TRAK1: variants seen among roughly 807,000 people sequenced by gnomAD.
TRAK1 encodes the protein trafficking kinesin protein 1.
TRAK1 carries 33 observed loss-of-function variants against 92.1 expected under a neutral mutation model. The ratio of observed to expected loss-of-function variants is 0.36; its 90% CI spans 0.27 to 0.48. The LOEUF is 0.48. Among genes scored for constraint, TRAK1 ranks in the 20% least tolerant of loss-of-function variants. TRAK1 has a pLI of 0.99. For missense variants in TRAK1, 1,123 were observed against 1,257.9 expected (o/e 0.89, Z 1.62); for synonymous variants, 521 against 517.3 (o/e 1.01, Z -0.10).
Position 42,223,408 on chromosome 3 carries a change from G to C in TRAK1, c.2533G>C (p.Asp845His), listed in dbSNP as rs201083471. Residue 845 changes from aspartate to histidine, a missense_variant, in exon 16 of 16, where the codon GAC (aspartate) becomes CAC (histidine). Transcript: ENST00000327628. The surrounding 1 kb of genome is among the most constrained non-coding windows in gnomAD (Gnocchi z 6.1). ...GTCCGTCTCCAACCTCAACCTCGTGGACAAAGTCAGGAGGTTTGGGGTGGC... is the reference window on the plus strand; with the variant it reads ...GTCCGTCTCCAACCTCAACCTCGTGCACAAAGTCAGGAGGTTTGGGGTGGC... Reference protein sequence around the residue: ...DVSVSNLNLVDKVRRFGVAKV... With the variant: ...DVSVSNLNLVHKVRRFGVAKV... The C allele has an allele frequency of 6.2e-7, 1 of 1,614,160 alleles. No homozygotes were observed. The highest frequency in any genetic ancestry group is 8.5e-7 in the Non-Finnish European group (1 of 1,180,018).
At position 42,091,461 on chromosome 3, in the gene TRAK1, T is replaced by C. The variant is rs1705046355; in HGVS notation, c.-9T>C. 1 of 1,613,350 alleles carries C rather than the reference T, an allele frequency of 6.2e-7. No individual in the cohort carries two copies. The highest frequency in any genetic ancestry group is 8.5e-7 in the Non-Finnish European group (1 of 1,179,690). On this transcript the variant is annotated 5_prime_UTR_variant, in exon 1 of 16. It removes an upstream start codon present in the reference 5' UTR. Transcript: ENST00000327628. ...TTCTCTGAAGTGCCTTTGGAGTTTA[T>C]GTCTGCACATGGCATTGGTTTTTCA...
chr3:42,141,374 G>A (rs944681195), intron 2 of TRAK1, among the ~76,000 whole-genome samples: 1 of 152,130 alleles, frequency 6.6e-6, no homozygotes, highest in Non-Finnish European at 1.5e-5. Flanking sequence ...ATAAGCATCA[G>A]TACTGTGGGT....
intron 1 of TRAK1, among the ~76,000 whole-genome samples, chr3:42,070,272 G>GAATAATAATTATAATTATAATAATTATA (rs1703876598): frequency 6.8e-6 from 1 of 146,706 alleles, no homozygotes; most frequent in African/African-American, 2.5e-5. Flanking sequence ...TAATAATTAT[G>GAATAATAATTATAATTATAATAATTATA]AATAATAATT....
chr3:42,102,151 A>G (rs1356651074), intron 1 of TRAK1, among the ~76,000 whole-genome samples: 1 of 152,034 alleles, frequency 6.6e-6, no homozygotes, highest in Non-Finnish European at 1.5e-5. Context: ...ATGCCTGGCT[A>G]ATTTTTGTAT....
intron 1 of TRAK1, among the ~76,000 whole-genome samples, chr3:42,111,469 T>C (rs773136723): frequency 5.3e-5 from 8 of 151,814 alleles, no homozygotes; most frequent in Non-Finnish European, 1.0e-4. Flanking sequence ...GATCTTGGCT[T>C]ACTGCAAGCT....
chr3:42,053,372 GGGT>G (rs1265480377), intron 1 of TRAK1, among the ~76,000 whole-genome samples: 16 of 128,204 alleles, frequency 1.2e-4, no homozygotes, highest in African/African-American at 5.3e-4. Flanking sequence ...ATTCAGAGTC[GGGT>G]GGGGGGGGGG....
intron 2 of TRAK1, among the ~76,000 whole-genome samples, chr3:42,134,804 C>T (rs564272566): frequency 1.4e-4 from 21 of 151,850 alleles, no homozygotes; most frequent in Non-Finnish European, 2.5e-4. Flanking sequence ...TGGTCTCGAT[C>T]TCCTGACCTC....
At chr3:42,037,618 A>G (rs762223048) in intron 1 of TRAK1, among the ~76,000 whole-genome samples, 6 of 152,234 alleles carry the variant, frequency 3.9e-5, no homozygotes, top group African/African-American at 7.2e-5. Flanking sequence ...CTGTTCTCAG[A>G]TGACTAACAT....
rs533308450 is a variant in TRAK1 at position 42,198,653 on chromosome 3, C to T, written c.1114-524C>T. Reference sequence around the variant, plus strand: ...AGGTGGGAAAGGCTTCCCCAGGAGCCGAAGTTGGAGGCCCTTGGTCTATTC... The same window carrying T: ...AGGTGGGAAAGGCTTCCCCAGGAGCTGAAGTTGGAGGCCCTTGGTCTATTC... On this transcript the variant is annotated intron_variant, in intron 10 of 15. Transcript: ENST00000327628. Among the ~76,000 whole-genome samples, 20 of 152,006 alleles carry T rather than the reference C, an allele frequency of 1.3e-4. 1 individual carries two copies. In the South Asian group the frequency reaches 4.0e-3, roughly 30 times the overall value.
intron 2 of TRAK1, among the ~76,000 whole-genome samples, chr3:42,174,647 GTA>G (rs138493698): frequency 2.7e-5 from 4 of 146,642 alleles, no homozygotes; most frequent in Admixed American, 1.4e-4. Flanking sequence ...ATTTTTGTGT[GTA>G]TATATATATA....
In TRAK1 at chr3:42,168,171, C is replaced by G. The variant is rs148883726; in HGVS notation, c.287-8643C>G. On this transcript the variant is annotated intron_variant, in intron 2 of 15. Transcript: ENST00000327628. ...AACAATTTTCTAATTTTAAAATAGT[C>G]TAGTCTAAGTGGGGCAGATTAGTAC... Among the ~76,000 whole-genome samples the G allele has an allele frequency of 3.8e-3, 584 of 152,162 alleles. 4 individuals carry two copies. The highest frequency in any genetic ancestry group is 8.9e-3 in the South Asian group (43 of 4,822).
At chr3:42,037,222 G>A (rs1702358733) in intron 1 of TRAK1, among the ~76,000 whole-genome samples, 1 of 152,186 alleles carries the variant, frequency 6.6e-6, no homozygotes, top group African/African-American at 2.4e-5. Context: ...TGCTTTTAGA[G>A]TTTTAGGATT....
intron 1 of TRAK1, among the ~76,000 whole-genome samples, chr3:42,123,116 G>GGGT (rs1710104736): frequency 6.6e-6 from 1 of 152,196 alleles, no homozygotes; most frequent in Non-Finnish European, 1.5e-5. Context: ...GCTGCGGGAG[G>GGGT]GGTGGGTGCT....
intron 1 of TRAK1, among the ~76,000 whole-genome samples, chr3:42,019,558 G>T (rs555319479): frequency 6.6e-6 from 1 of 152,276 alleles, no homozygotes; most frequent in South Asian, 2.1e-4. Flanking sequence ...ATGAGCCACT[G>T]TACCTGGCCA....
chr3:42,160,107 G>T, intron 2 of TRAK1: 18 of 672,962 alleles, frequency 2.7e-5, no homozygotes, highest in South Asian at 4.2e-5. Context: ...CCCGCCAAGT[G>T]CTCCACCCCA....
intron 1 of TRAK1, among the ~76,000 whole-genome samples, chr3:42,042,292 C>CA (rs1277310715): frequency 6.6e-5 from 10 of 151,444 alleles, no homozygotes; most frequent in Admixed American, 1.3e-4. Context: ...CCTTTTTCTG[C>CA]ATCTATTGAG....
intron 2 of TRAK1, among the ~76,000 whole-genome samples, chr3:42,155,955 ACCCT>A (rs1021712066): frequency 6.6e-6 from 1 of 151,504 alleles, no homozygotes; most frequent in Non-Finnish European, 1.5e-5. Flanking sequence ...GAGGTGATTG[ACCCT>A]CCCCTCCACT....
intron 14 of TRAK1, chr3:42,210,483 C>T: frequency 8.1e-7 from 1 of 1,233,302 alleles, no homozygotes; most frequent in Non-Finnish European, 1.0e-6. Context: ...GGGTGTCTCC[C>T]TGAGTCTAAG....
At chr3:42,113,332 TCTCTA>T (rs1212090405) in intron 1 of TRAK1, among the ~76,000 whole-genome samples, 56 of 152,222 alleles carry the variant, frequency 3.7e-4, no homozygotes, top group Non-Finnish European at 5.9e-4. Context: ...TACTCTCTAC[TCTCTA>T]CTCTACTCCT....
Sources: gnomAD v4.1 joint callset for allele counts (sites outside exome capture counted in the v4.1 genomes callset) on GRCh38, gnomAD v4.1.1 for gene constraint, Gnocchi (gnomAD v3.1) non-coding constraint, MANE v1.5 for transcripts, NCBI Gene and HGNC (gene_info 2026-07-23, HGNC 2026-07-21) for gene names.